Variants in NUP93 observed in about 807,000 individuals in gnomAD.
NUP93 encodes nucleoporin 93, also known as nuclear pore complex protein Nup93.
A neutral mutation model predicts 107.8 loss-of-function variants in NUP93; 55 were observed. The observed-to-expected ratio is 0.51, with a 90% CI of 0.41 to 0.64. NUP93 has a LOEUF of 0.64. Ranked by LOEUF, NUP93 falls within the 30% of genes least tolerant of loss-of-function variation. NUP93 has a pLI of 0.00. For synonymous variants in NUP93, 390 were observed against 397.5 expected (o/e 0.98, Z 0.22); for missense variants, 937 against 1,044.7 (o/e 0.90, Z 1.42).
chr16:56,744,944 C>T (rs180981891), intron 1 of NUP93, among the ~76,000 whole-genome samples: 23 of 152,220 alleles, frequency 1.5e-4, no homozygotes, highest in African/African-American at 5.1e-4. Flanking sequence ...CTCTCACCAA[C>T]GGAAGAAAAA....
At chr16:56,828,837 G>T (rs1963722081) in intron 8 of NUP93, 140 bp from the exon 9 acceptor site, 1 of 768,520 alleles carries the variant, frequency 1.3e-6, no homozygotes, top group South Asian at 1.7e-5. Flanking sequence ...CATTAAGCAT[G>T]TACTATTTCC....
At chr16:56,819,187 G>C (rs1303487444) in intron 6 of NUP93, among the ~76,000 whole-genome samples, 1 of 152,134 alleles carries the variant, frequency 6.6e-6, no homozygotes, top group Non-Finnish European at 1.5e-5. Context: ...TGTTGTCCTA[G>C]AAAAGCTCAT....
intron 5 of NUP93, among the ~76,000 whole-genome samples, chr16:56,814,067 C>T (rs1398601514): frequency 1.3e-5 from 2 of 152,194 alleles, no homozygotes; most frequent in Non-Finnish European, 2.9e-5. Flanking sequence ...ATTTTGCTTA[C>T]ATAAAGCCAA....
chr16:56,738,552 T>C (rs1254188612), intron 1 of NUP93, among the ~76,000 whole-genome samples: 2 of 152,224 alleles, frequency 1.3e-5, no homozygotes, highest in Non-Finnish European at 2.9e-5. Flanking sequence ...TGAATAATGA[T>C]AAGGTCTCTT....
intron 11 of NUP93, 90 bp downstream of exon 11, chr16:56,832,097 C>A: frequency 6.8e-7 from 1 of 1,472,082 alleles, no homozygotes; most frequent in Non-Finnish European, 9.4e-7. Context: ...ATGTATGATG[C>A]CAATACAGTG....
intron 21 of NUP93, among the ~76,000 whole-genome samples, chr16:56,843,565 C>T (rs76352877): frequency 0.042 from 6,428 of 152,250 alleles, 213 homozygotes; most frequent in African/African-American, 0.084. Flanking sequence ...GAGATGCTGC[C>T]TAGTAAAGGG....
chr16:56,767,818 A>C (rs1380100504), intron 3 of NUP93, among the ~76,000 whole-genome samples: 1 of 152,230 alleles, frequency 6.6e-6, no homozygotes, highest in Non-Finnish European at 1.5e-5. Flanking sequence ...TTACAGGATC[A>C]TTTAATTCTG....
chr16:56,840,030 GT>G, intron 20 of NUP93: 1 of 176,152 alleles, frequency 5.7e-6, no homozygotes. Flanking sequence ...GGATTTTTTT[GT>G]TTTTGAAACG....
At chr16:56,737,489 C>G (rs796922110) in intron 1 of NUP93, among the ~76,000 whole-genome samples, 2 of 152,236 alleles carry the variant, frequency 1.3e-5, no homozygotes, top group Admixed American at 6.5e-5. Flanking sequence ...CCTTAGTACC[C>G]GAAAAGCTCT....
intron 4 of NUP93, among the ~76,000 whole-genome samples, chr16:56,804,586 C>G (rs1363689734): frequency 6.6e-6 from 1 of 152,076 alleles, no homozygotes; most frequent in East Asian, 1.9e-4. Context: ...TGAGAATGTA[C>G]TTAATACCAC....
At chr16:56,757,424 G>A (rs1414287695) in intron 2 of NUP93, among the ~76,000 whole-genome samples, 2 of 152,122 alleles carry the variant, frequency 1.3e-5, no homozygotes, top group African/African-American at 4.8e-5. Context: ...ACCAGCCTGG[G>A]CAACAGAGCA....
intron 5 of NUP93, among the ~76,000 whole-genome samples, chr16:56,816,321 A>G (rs779729957): frequency 3.9e-5 from 6 of 152,214 alleles, no homozygotes; most frequent in African/African-American, 7.2e-5. Flanking sequence ...GAATGCTTTC[A>G]GCTGTGACAG....
chr16:56,827,835 G>T (rs569437527), intron 8 of NUP93, among the ~76,000 whole-genome samples: 44 of 152,294 alleles, frequency 2.9e-4, no homozygotes, highest in African/African-American at 1.0e-3. Flanking sequence ...AAAGGCACTT[G>T]TGGGCCAGCC....
At chr16:56,747,598 G>T (rs1029576909) in intron 1 of NUP93, among the ~76,000 whole-genome samples, 32 of 152,234 alleles carry the variant, frequency 2.1e-4, no homozygotes, top group African/African-American at 7.7e-4. Flanking sequence ...GAAGGAGCAG[G>T]TGTGTTAGAA....
At position 56,758,568 on chromosome 16, in the gene NUP93, C is replaced by T; in HGVS notation, c.210C>T (p.Asp70=). The T allele has an allele frequency of 1.2e-6, 2 of 1,613,824 alleles. No homozygotes were observed. The highest frequency in any genetic ancestry group is 2.2e-5 in the East Asian group (1 of 44,878). Residue 70 remains aspartate, a synonymous_variant, in exon 3 of 22, where the codon GAC becomes GAT. Coordinates refer to ENST00000308159, the MANE Select transcript of NUP93 (RefSeq NM_014669.5). ...TTCTCCTCGGGTCTCGGGGACTTGA[C>T]ATATCCCACATCTCCCAGCGATTGG... ...ASVLLGSRGL[D]ISHISQRLES...
intron 8 of NUP93, among the ~76,000 whole-genome samples, chr16:56,828,398 C>T (rs1215245175): frequency 6.6e-6 from 1 of 152,020 alleles, no homozygotes; most frequent in East Asian, 1.9e-4. Flanking sequence ...TTCTTGGTAT[C>T]ATAATGATAC....
intron 2 of NUP93, among the ~76,000 whole-genome samples, chr16:56,751,454 G>A (rs1230357495): frequency 6.6e-6 from 1 of 152,184 alleles, no homozygotes; most frequent in Non-Finnish European, 1.5e-5. Flanking sequence ...AGTGTTATCT[G>A]TGTTTTAAAC....
intron 3 of NUP93, among the ~76,000 whole-genome samples, chr16:56,791,524 G>A (rs541902563): frequency 6.6e-6 from 1 of 152,184 alleles, no homozygotes; most frequent in African/African-American, 2.4e-5. Flanking sequence ...GCCATTTGGC[G>A]AAAACAAACA....
intron 2 of NUP93, among the ~76,000 whole-genome samples, chr16:56,750,819 A>C (rs1335685184): frequency 1.3e-5 from 2 of 152,210 alleles, no homozygotes; most frequent in Non-Finnish European, 2.9e-5. Context: ...CTCCTGGTAT[A>C]AATAATAAAA....
Sources: allele counts gnomAD v4.1 joint callset (sites outside exome capture counted in the v4.1 genomes callset), GRCh38; gene constraint gnomAD v4.1.1; transcripts MANE v1.5; gene names NCBI Gene and HGNC (gene_info 2026-07-23, HGNC 2026-07-21).